EYA1: variants seen among roughly 807,000 people sequenced by gnomAD.
EYA1 encodes the protein EYA transcriptional coactivator and phosphatase 1, also known as protein phosphatase EYA1.
Under a neutral mutation model 82.0 loss-of-function variants are expected in EYA1, and 16 were observed. The observed-to-expected ratio is 0.20, with a 90% CI of 0.13 to 0.30. The LOEUF is 0.30. EYA1 is among the 10% of genes least tolerant of loss of function. EYA1 has a pLI of 1.00. For synonymous variants in EYA1, 261 were observed against 264.4 expected (o/e 0.99, Z 0.12); for missense variants, 633 against 730.7 (o/e 0.87, Z 1.54).
chr8:71,398,936 G>T (rs1303900709), intron 2 of EYA1, among the ~76,000 whole-genome samples: 1 of 152,178 alleles, frequency 6.6e-6, no homozygotes, highest in African/African-American at 2.4e-5. Flanking sequence ...AGTATGGTGG[G>T]CTCCACCCAG....
intron 2 of EYA1, among the ~76,000 whole-genome samples, chr8:71,493,763 C>T (rs1811190546): frequency 1.3e-5 from 2 of 151,300 alleles, no homozygotes; most frequent in Admixed American, 6.6e-5. Flanking sequence ...GTGGCTCACG[C>T]CTGTAATCCC....
chr8:71,362,286 A>T (rs1827476822), upstream of EYA1: 3 of 770,136 alleles, frequency 3.9e-6, no homozygotes, highest in Non-Finnish European at 4.7e-6. Context: ...TTGCTGTTTA[A>T]AAAAAAAAAA....
chr8:71,201,818 C>A (rs1807060680), intron 17 of EYA1, among the ~76,000 whole-genome samples: 1 of 152,148 alleles, frequency 6.6e-6, no homozygotes, highest in Non-Finnish European at 1.5e-5. Flanking sequence ...TGCTATTTAA[C>A]CACCTACTTG....
chr8:71,377,809 G>C (rs1192229135), intron 2 of EYA1, among the ~76,000 whole-genome samples: 1 of 152,056 alleles, frequency 6.6e-6, no homozygotes, highest in Non-Finnish European at 1.5e-5. Flanking sequence ...GACTTTGCTA[G>C]GTACCTCACA....
intron 3 of EYA1, among the ~76,000 whole-genome samples, chr8:71,341,608 G>A (rs771843100): frequency 5.9e-5 from 9 of 152,116 alleles, no homozygotes; most frequent in Non-Finnish European, 1.3e-4. Flanking sequence ...ATATATCCAT[G>A]AACTCAATGT....
chr8:71,523,091 G>C (rs772099262), intron 2 of EYA1, among the ~76,000 whole-genome samples: 1 of 151,732 alleles, frequency 6.6e-6, no homozygotes, highest in Non-Finnish European at 1.5e-5. Context: ...GTTTTAAGGT[G>C]GGTGAGAACA....
At chr8:71,359,754 A>C (rs960761665) in intron 1 of EYA1, among the ~76,000 whole-genome samples, 10 of 152,148 alleles carry the variant, frequency 6.6e-5, no homozygotes, top group African/African-American at 2.4e-4. Flanking sequence ...TCAAACTGAA[A>C]AGAAATTTTC....
At chr8:71,374,585 A>T (rs1747999756) in intron 2 of EYA1, among the ~76,000 whole-genome samples, 1 of 152,196 alleles carries the variant, frequency 6.6e-6, no homozygotes, top group African/African-American at 2.4e-5. Flanking sequence ...AGTTCCTCAG[A>T]AAATTAAAAA....
intron 1 of EYA1, among the ~76,000 whole-genome samples, chr8:71,536,477 A>G (rs925850690): frequency 4.6e-5 from 7 of 152,172 alleles, no homozygotes; most frequent in African/African-American, 1.7e-4. Context: ...TAAATGTGGT[A>G]TTTTCAAATA....
chr8:71,296,740 AATAT>A (rs1405933359), intron 9 of EYA1, among the ~76,000 whole-genome samples: 2 of 152,034 alleles, frequency 1.3e-5, no homozygotes, highest in Non-Finnish European at 2.9e-5. Flanking sequence ...GTCATTTCTA[AATAT>A]TTAGTTTAAT....
At chr8:71,389,657 C>A (rs892759064) in intron 2 of EYA1, among the ~76,000 whole-genome samples, 2 of 152,068 alleles carry the variant, frequency 1.3e-5, no homozygotes, top group African/African-American at 4.8e-5. Context: ...AAAACTGATT[C>A]AAAAAAATCA....
intron 2 of EYA1, among the ~76,000 whole-genome samples, chr8:71,381,928 G>A (rs993598669): frequency 6.6e-6 from 1 of 152,170 alleles, no homozygotes; most frequent in South Asian, 2.1e-4. Flanking sequence ...ACACACATGG[G>A]CACAGATCCA....
chr8:71,208,162 G>A (rs1044083165), intron 17 of EYA1, among the ~76,000 whole-genome samples: 9 of 151,948 alleles, frequency 5.9e-5, no homozygotes, highest in Admixed American at 3.3e-4. Flanking sequence ...GCCGGGCACA[G>A]TGGCTCATGC....
chr8:71,233,507 T>C (rs1016910330), intron 12 of EYA1, among the ~76,000 whole-genome samples: 1 of 146,122 alleles, frequency 6.8e-6, no homozygotes, highest in Non-Finnish European at 1.5e-5. Flanking sequence ...GAGCTTGCAG[T>C]GAGCCGAGAT....
intron 2 of EYA1, among the ~76,000 whole-genome samples, chr8:71,406,728 C>T (rs985264742): frequency 1.2e-4 from 18 of 151,782 alleles, no homozygotes; most frequent in Non-Finnish European, 1.9e-4. Context: ...GTCCTACGCC[C>T]ACGGAATCTC....
Position 71,508,816 on chromosome 8 carries a change from A to T in EYA1, c.33+26928T>A, listed in dbSNP as rs1283235518. On this transcript the variant is annotated intron_variant, in intron 2 of 18. Transcript: ENST00000643681. ...ATGGTATTTTATTATAGCATCCTAA[A>T]CTTCCCAAGACCAGGGTCATCCAGA... 3.3e-5 allele frequency among the ~76,000 whole-genome samples: 5 copies of T among 152,266 alleles called. 1 individual carries two copies. In the East Asian group the frequency reaches 7.7e-4, roughly 24 times the overall value.
intron 6 of EYA1, among the ~76,000 whole-genome samples, chr8:71,318,780 T>C (rs1586338818): frequency 6.6e-6 from 1 of 152,200 alleles, no homozygotes; most frequent in African/African-American, 2.4e-5. Flanking sequence ...TACAGCTAGG[T>C]AATTGTTTTA....
At chr8:71,271,032 A>G (rs1816464935) in intron 10 of EYA1, among the ~76,000 whole-genome samples, 1 of 151,990 alleles carries the variant, frequency 6.6e-6, no homozygotes, top group Non-Finnish European at 1.5e-5. Flanking sequence ...AATCGCTTGA[A>G]CCGGGAGGCA....
At chr8:71,493,548 G>A (rs539495997) in intron 2 of EYA1, among the ~76,000 whole-genome samples, 16 of 152,224 alleles carry the variant, frequency 1.1e-4, no homozygotes, top group African/African-American at 3.9e-4. Flanking sequence ...ATAGAAAACT[G>A]TCATAGGAAC....
Sources: allele counts gnomAD v4.1 joint callset (sites outside exome capture counted in the v4.1 genomes callset), GRCh38; gene constraint gnomAD v4.1.1; transcripts MANE v1.5; gene names NCBI Gene and HGNC (gene_info 2026-07-23, HGNC 2026-07-21).